Variants in KIFAP3 observed in about 807,000 individuals in gnomAD.
KIFAP3 encodes kinesin-associated protein 3.
A neutral mutation model predicts 106.5 loss-of-function variants in KIFAP3; 68 were observed. The ratio of observed to expected loss-of-function variants is 0.64; its 90% CI spans 0.53 to 0.78. The LOEUF (loss-of-function observed/expected upper bound fraction) is 0.78, where lower values mean the gene tolerates loss of function less well. KIFAP3 is among the 30% of genes least tolerant of loss of function. KIFAP3 has a pLI of 0.00. For synonymous variants in KIFAP3, 320 were observed against 311.5 expected, an observed-to-expected ratio of 1.03 and a Z score of -0.29; for missense variants, 780 against 941.8, an observed-to-expected ratio of 0.83 and a Z score of 2.25.
intron 17 of KIFAP3, among the ~76,000 whole-genome samples, chr1:169,962,414 T>A (rs1019615485): frequency 2.6e-5 from 4 of 152,184 alleles, no homozygotes; most frequent in Non-Finnish European, 4.4e-5. Flanking sequence ...TGTATTGCTT[T>A]AACAATGGAC....
At chr1:170,033,814 G>A (rs1669542149) in intron 7 of KIFAP3, among the ~76,000 whole-genome samples, 1 of 151,822 alleles carries the variant, frequency 6.6e-6, no homozygotes, top group African/African-American at 2.4e-5. Context: ...TGCCAGGGAA[G>A]TTGCAGAAAT....
chr1:170,014,615 T>A (rs537042034), intron 10 of KIFAP3, among the ~76,000 whole-genome samples: 1 of 152,192 alleles, frequency 6.6e-6, no homozygotes, highest in East Asian at 1.9e-4. Flanking sequence ...TCTATAGTGC[T>A]TAGCGCTGTG....
chr1:170,077,312 T>C (rs1227634866), upstream of KIFAP3, among the ~76,000 whole-genome samples: 1 of 152,252 alleles, frequency 6.6e-6, no homozygotes, highest in African/African-American at 2.4e-5. Flanking sequence ...CCTAGTTCTA[T>C]ACTTCATAAA....
At position 170,054,827 on chromosome 1, in the gene KIFAP3, G is replaced by C. The variant is rs544049421; in HGVS notation, c.164+478C>G. Among the ~76,000 whole-genome samples, 27 of 152,166 alleles carry C rather than the reference G, an allele frequency of 1.8e-4. No homozygotes were observed. The East Asian group carries it at 2.5e-3, about 14-fold the overall frequency. ...CCTGTCAGGGGGTGGGGGACAAGGG[G>C]AGGGAGAGCATTAGGACAAATATCT... On this transcript the variant is annotated intron_variant, in intron 2 of 19. Transcript: ENST00000361580.
At chr1:169,967,988 G>A (rs1665716667) in intron 17 of KIFAP3, among the ~76,000 whole-genome samples, 1 of 151,730 alleles carries the variant, frequency 6.6e-6, no homozygotes, top group Admixed American at 6.6e-5. Flanking sequence ...CCTATCCAAA[G>A]CCTTTGTGGA....
intron 3 of KIFAP3, among the ~76,000 whole-genome samples, chr1:170,044,302 T>C (rs1670133576): frequency 6.6e-6 from 1 of 152,168 alleles, no homozygotes; most frequent in African/African-American, 2.4e-5. Context: ...CTTCAAGCTA[T>C]AATTAACTGG....
At chr1:170,045,515 A>G (rs926258734) in intron 3 of KIFAP3, among the ~76,000 whole-genome samples, 1 of 152,226 alleles carries the variant, frequency 6.6e-6, no homozygotes, top group Non-Finnish European at 1.5e-5. Context: ...CAGGCAAAGT[A>G]TAACACTTAT....
At chr1:170,019,901 T>A (rs914733710) in intron 9 of KIFAP3, among the ~76,000 whole-genome samples, 1 of 152,206 alleles carries the variant, frequency 6.6e-6, no homozygotes, top group Non-Finnish European at 1.5e-5. Context: ...AACTTTCTAT[T>A]TGCAGATAAC....
At chr1:170,040,625 A>G (rs1669923220) in intron 3 of KIFAP3, among the ~76,000 whole-genome samples, 1 of 152,170 alleles carries the variant, frequency 6.6e-6, no homozygotes, top group African/African-American at 2.4e-5. Context: ...CGCAGATCTT[A>G]AAAGACTACC....
At chr1:169,945,363 G>T (rs1406916666) in intron 19 of KIFAP3, among the ~76,000 whole-genome samples, 2 of 152,122 alleles carry the variant, frequency 1.3e-5, no homozygotes, top group Non-Finnish European at 2.9e-5. Context: ...CTCAAGCTGT[G>T]GCTGGGCGGC....
chr1:170,016,667 A>C (rs1282431575), intron 9 of KIFAP3, 43 bp from the exon 10 acceptor site: 1 of 1,157,594 alleles, frequency 8.6e-7, no homozygotes, highest in Non-Finnish European at 1.2e-6. Context: ...TTCTGTTGCA[A>C]AATAGGACAA....
intron 10 of KIFAP3, among the ~76,000 whole-genome samples, chr1:170,015,895 T>C (rs1206605659): frequency 6.6e-6 from 1 of 152,132 alleles, no homozygotes; most frequent in African/African-American, 2.4e-5. Flanking sequence ...ACTTATAAAC[T>C]GAATTCTCCA....
Position 169,999,081 on chromosome 1 carries a change from T to C in KIFAP3, c.1184-6826A>G, listed in dbSNP as rs1272198337. On this transcript the variant is annotated intron_variant, in intron 10 of 19. Transcript: ENST00000361580. ...CTTAAAGGCTAATTTGCAGATCACATAGCAATAAACAGCTATTAGAGAGAT... is the reference window on the plus strand; with the variant it reads ...CTTAAAGGCTAATTTGCAGATCACACAGCAATAAACAGCTATTAGAGAGAT... Among the ~76,000 whole-genome samples, 4 of 152,144 alleles carry C rather than the reference T, an allele frequency of 2.6e-5. No homozygotes were observed. In the East Asian group the frequency reaches 7.7e-4, roughly 29 times the overall value.
chr1:170,073,837 A>T (rs1671807576), intron 1 of KIFAP3, among the ~76,000 whole-genome samples: 1 of 152,182 alleles, frequency 6.6e-6, no homozygotes, highest in South Asian at 2.1e-4. Flanking sequence ...TTGTCATCAA[A>T]CTTCTGAACA....
At chr1:169,989,645 A>C (rs1246024951) in intron 11 of KIFAP3, among the ~76,000 whole-genome samples, 4 of 152,080 alleles carry the variant, frequency 2.6e-5, no homozygotes, top group African/African-American at 9.6e-5. Flanking sequence ...TATCTCTATA[A>C]GACACCTGCC....
At chr1:169,933,933 T>C (rs1663638989) in intron 19 of KIFAP3, among the ~76,000 whole-genome samples, 1 of 152,144 alleles carries the variant, frequency 6.6e-6, no homozygotes, top group South Asian at 2.1e-4. Flanking sequence ...TAACTAACTT[T>C]GACATGACTT....
intron 10 of KIFAP3, among the ~76,000 whole-genome samples, chr1:169,994,283 T>C (rs907128419): frequency 6.6e-6 from 1 of 152,198 alleles, no homozygotes; most frequent in Non-Finnish European, 1.5e-5. Context: ...CCCAAATCTT[T>C]ACCAGGTTAT....
intron 1 of KIFAP3, among the ~76,000 whole-genome samples, chr1:170,072,429 T>C (rs1171714197): frequency 6.6e-6 from 1 of 152,068 alleles, no homozygotes; most frequent in African/African-American, 2.4e-5. Flanking sequence ...CTGACCTGGA[T>C]TGTGAGGTGG....
intron 5 of KIFAP3, 71 bp from the exon 6 acceptor site, chr1:170,035,624 T>C (rs1669651088): frequency 1.1e-6 from 1 of 894,552 alleles, no homozygotes; most frequent in Non-Finnish European, 1.7e-6. Flanking sequence ...TGGTTTTAAA[T>C]GTCTAGTTAT....
Sources: gnomAD v4.1 joint callset for allele counts (sites outside exome capture counted in the v4.1 genomes callset) on GRCh38, gnomAD v4.1.1 for gene constraint, MANE v1.5 for transcripts, NCBI Gene and HGNC (gene_info 2026-07-23, HGNC 2026-07-21) for gene names.